Variants in ANKRD27 observed in about 807,000 individuals in gnomAD.
ANKRD27 encodes the protein ankyrin repeat domain-containing protein 27.
A neutral mutation model predicts 129.7 loss-of-function variants in ANKRD27; 112 were observed. The observed-to-expected ratio is 0.86, with a 90% CI of 0.74 to 1.01. ANKRD27 has a LOEUF of 1.01. Among genes scored for constraint, ANKRD27 ranks in the 50% least tolerant of loss-of-function variants. ANKRD27 has a pLI of 0.00. For synonymous variants in ANKRD27, 516 were observed against 511.2 expected (o/e 1.01, Z -0.13); for missense variants, 1,258 against 1,300.5 (o/e 0.97, Z 0.50).
intron 1 of ANKRD27, among the ~76,000 whole-genome samples, chr19:32,664,919 C>CA (rs35300883): frequency 0.48 from 45,819 of 96,036 alleles, 12,098 homozygotes; most frequent in Non-Finnish European, 0.61. Context: ...GACTCTGTCT[C>CA]AAAAAAAAAA....
chr19:32,644,187 T>C, intron 5 of ANKRD27, 138 bp downstream of exon 5: 1 of 1,056,930 alleles, frequency 9.5e-7, no homozygotes, highest in Non-Finnish European at 1.4e-6. Context: ...ACTACTTTTA[T>C]AGTTAGAGAG....
At chr19:32,632,349 GC>G (rs1346070949) in intron 12 of ANKRD27, among the ~76,000 whole-genome samples, 1 of 151,774 alleles carries the variant, frequency 6.6e-6, no homozygotes, top group Non-Finnish European at 1.5e-5. Context: ...ACTTTGAGGG[GC>G]CGAGGCGCGT....
intron 25 of ANKRD27, among the ~76,000 whole-genome samples, chr19:32,603,320 T>C (rs1216298596): frequency 6.6e-6 from 1 of 151,644 alleles, no homozygotes; most frequent in Non-Finnish European, 1.5e-5. Flanking sequence ...GTCCATGGAG[T>C]GGATTGATGG....
chr19:32,641,992 C>T (rs771337311), intron 10 of ANKRD27, 32 bp downstream of exon 10: 3 of 1,534,280 alleles, frequency 2.0e-6, no homozygotes, highest in Non-Finnish European at 2.6e-6. Flanking sequence ...GTAGCATCTA[C>T]CCCTTGGCCA....
intron 1 of ANKRD27, 132 bp downstream of exon 1, chr19:32,674,939 C>T (rs1249014251): frequency 6.6e-6 from 1 of 151,914 alleles, no homozygotes; most frequent in Non-Finnish European, 1.5e-5. Flanking sequence ...CTGGCGGACC[C>T]GGGAGCGGAC....
At chr19:32,603,394 A>G (rs1568394734) in intron 25 of ANKRD27, among the ~76,000 whole-genome samples, 1 of 152,198 alleles carries the variant, frequency 6.6e-6, no homozygotes, top group African/African-American at 2.4e-5. Context: ...GGTAGAAAAC[A>G]AAAGAAAGAC....
rs189664041 is a variant in ANKRD27 at position 32,603,928 on chromosome 19, C to A, written c.2655+335G>T. On this transcript the variant is annotated intron_variant, in intron 25 of 28. Coordinates refer to ENST00000306065, the MANE Select transcript of ANKRD27 (RefSeq NM_032139.3). ...TGTTCACACTGTGAGGATGGTGACA[C>A]CAGAACATCATGACTTGCTCCTTCC... Among the ~76,000 whole-genome samples, 321 of 152,308 alleles carry A rather than the reference C, an allele frequency of 2.1e-3. 2 individuals carry two copies. Among genetic ancestry groups the A allele is most frequent in the African/African-American group, 7.4e-3 (309 of 41,574 alleles).
At chr19:32,644,598 T>A in intron 4 of ANKRD27, 119 bp from the exon 5 acceptor site, 1 of 1,195,196 alleles carries the variant, frequency 8.4e-7, no homozygotes, top group Non-Finnish European at 1.2e-6. Flanking sequence ...TTCAAGACAC[T>A]ACACAAGAAC....
At chr19:32,604,235 C>G (rs1479044769) in intron 25 of ANKRD27, 28 bp downstream of exon 25, 1 of 1,576,908 alleles carries the variant, frequency 6.3e-7, no homozygotes, top group Non-Finnish European at 8.7e-7. Flanking sequence ...CTCAGGATTC[C>G]CTCGGCTCTT....
Position 32,605,835 on chromosome 19 carries a change from C to A in ANKRD27, c.2493G>T (p.Gln831His), listed in dbSNP as rs1421908397. Residue 831 changes from glutamine to histidine, a missense_variant and splice_region_variant, in exon 24 of 29, where the codon CAG becomes CAT. Gln to His is a conservative substitution (Grantham distance 24). Transcript: ENST00000306065. ...GHHELVALLL[Q>H]HGASINASNN... ...AATGAGGACAGGAAGGGGCCCTCACCTGTAGCAGCAGTGCCACAAGCTCGT... is the reference window on the plus strand; with the variant it reads ...AATGAGGACAGGAAGGGGCCCTCACATGTAGCAGCAGTGCCACAAGCTCGT... 3 of 1,612,922 alleles carry A rather than the reference C, an allele frequency of 1.9e-6. No individual in the cohort carries two copies. The highest frequency in any genetic ancestry group is 1.1e-5 in the South Asian group (1 of 91,046).
At chr19:32,609,667 T>G (rs1599736761) in intron 22 of ANKRD27, among the ~76,000 whole-genome samples, 29 of 114,448 alleles carry the variant, frequency 2.5e-4, no homozygotes, top group East Asian at 6.0e-4. Context: ...AATGGGGGGG[T>G]CATAGTGGGG....
chr19:32,625,800 A>T, intron 17 of ANKRD27, 74 bp downstream of exon 17: 2 of 1,219,276 alleles, frequency 1.6e-6, no homozygotes, highest in Non-Finnish European at 2.2e-6. Flanking sequence ...AAAATACATT[A>T]ATGAGAAATC....
chr19:32,613,060 A>C (rs1226563865), intron 22 of ANKRD27, among the ~76,000 whole-genome samples: 7 of 152,188 alleles, frequency 4.6e-5, no homozygotes, highest in African/African-American at 1.2e-4. Flanking sequence ...ACATATCTAG[A>C]ATATATAAAT....
At chr19:32,673,468 C>A in intron 1 of ANKRD27, 1 of 985,336 alleles carries the variant, frequency 1.0e-6, no homozygotes. Context: ...CTGCACTCCC[C>A]ACCAGGTGAG....
At chr19:32,644,699 C>T (rs1478213069) in intron 4 of ANKRD27, among the ~76,000 whole-genome samples, 1 of 152,238 alleles carries the variant, frequency 6.6e-6, no homozygotes, top group Non-Finnish European at 1.5e-5. Flanking sequence ...GGACCATGGG[C>T]AAGACCCCAA....
Position 32,628,117 on chromosome 19 carries a change from C to T in ANKRD27, c.1386G>A (p.Arg462=), listed in dbSNP as rs778349406. ...CAGCCACATGGAGAGGGGTGTGCCC[C>T]CTGTCGTCTCTGGAGAATGGAGTGA... ...SVVTPFSRDD[R]GHTPLHVAAV... The change falls in exon 15 of 29, where the codon AGG becomes AGA. Residue 462 remains arginine, a synonymous_variant. Coordinates refer to ENST00000306065, the MANE Select transcript of ANKRD27 (RefSeq NM_032139.3). 9 of 1,614,112 alleles carry T rather than the reference C, an allele frequency of 5.6e-6. No individual in the cohort carries two copies. The East Asian group carries it at 1.8e-4, about 32-fold the overall frequency.
intron 13 of ANKRD27, among the ~76,000 whole-genome samples, chr19:32,631,088 G>A (rs542792699): frequency 2.0e-5 from 3 of 151,852 alleles, no homozygotes; most frequent in African/African-American, 7.2e-5. Context: ...GCATGATCTC[G>A]GCTCACTGCA....
intron 2 of ANKRD27, among the ~76,000 whole-genome samples, chr19:32,654,349 A>G (rs1967479786): frequency 6.6e-6 from 1 of 152,242 alleles, no homozygotes; most frequent in Non-Finnish European, 1.5e-5. Context: ...AATATTAAAA[A>G]TGAAATAAAG....
In ANKRD27 at chr19:32,624,263, A is replaced by G. The variant is rs535013737; in HGVS notation, c.1629+1611T>C. ...GTGTCTGCAGTCCCAGCTACTCAGGAGGCTGAGGCAGGAGAATCGCTTGAA... is the reference window on the plus strand; with the variant it reads ...GTGTCTGCAGTCCCAGCTACTCAGGGGGCTGAGGCAGGAGAATCGCTTGAA... On this transcript the variant is annotated intron_variant, in intron 17 of 28. Coordinates refer to ENST00000306065, the MANE Select transcript of ANKRD27 (RefSeq NM_032139.3). 1.1e-4 allele frequency among the ~76,000 whole-genome samples: 16 copies of G among 151,890 alleles called. No homozygotes were observed. The East Asian group carries it at 2.9e-3, about 28-fold the overall frequency.
Sources: gnomAD v4.1 joint callset for allele counts (sites outside exome capture counted in the v4.1 genomes callset) on GRCh38, gnomAD v4.1.1 for gene constraint, MANE v1.5 for transcripts, NCBI Gene and HGNC (gene_info 2026-07-23, HGNC 2026-07-21) for gene names.